Variants in IL25 observed in about 807,000 individuals in gnomAD.
The protein encoded by IL25 is interleukin-25.
IL25 carries 10 observed loss-of-function variants against 13.2 expected under a neutral mutation model. That is an observed-to-expected ratio of 0.76 (90% confidence interval 0.47 to 1.29). The LOEUF (loss-of-function observed/expected upper bound fraction) is 1.29, where lower values mean the gene tolerates loss of function less well. IL25 is among the 50% of genes most tolerant of loss of function. The pLI is 0.00. For synonymous variants in IL25, 107 were observed against 92.1 expected (o/e 1.16, Z -0.93); for missense variants, 235 against 232.4 (o/e 1.01, Z -0.07).
At chr14:23,375,556 T>TCCCATGCCACCCCA (rs1700297755) in intron 1 of IL25, 69 bp from the exon 3 acceptor site, 2 of 1,553,626 alleles carry the variant, frequency 1.3e-6, no homozygotes, top group South Asian at 2.4e-5. Flanking sequence ...CTTCTGGCAC[T>TCCCATGCCACCCCA]CCCATGCCAC....
intron 1 of IL25, among the ~76,000 whole-genome samples, chr14:23,374,728 TTC>T (rs769826200): frequency 0.048 from 5,587 of 117,284 alleles, 93 homozygotes; most frequent in African/African-American, 0.14. Flanking sequence ...CTTTCTTTCT[TTC>T]TTTTTTTTTT....
exon 1 of IL25, chr14:23,373,055 C>T: frequency 6.2e-7 from 1 of 1,614,006 alleles, no homozygotes; most frequent in Non-Finnish European, 8.5e-7. Flanking sequence ...GGAGGCCAAG[C>T]TGCCAGGTTT....
intron 1 of IL25, among the ~76,000 whole-genome samples, chr14:23,374,594 G>A (rs1049479733): frequency 3.3e-5 from 5 of 152,348 alleles, no homozygotes; most frequent in Admixed American, 2.6e-4. Context: ...TGATGTGCTA[G>A]CTAATTCCAT....
rs779565948 is a variant in IL25, at chr14:23,372,992, G to T, written c.-127G>T. 3.1e-6 allele frequency: 5 copies of T among 1,613,864 alleles called. No individual in the cohort carries two copies. The highest frequency in any genetic ancestry group is 1.3e-5 in the African/African-American group (1 of 74,924). On this transcript the variant is annotated 5_prime_UTR_variant, in exon 1 of 2. Transcript: ENST00000329715. ...ATGTACCAGGTCAGTGCAGAGGGCT[G>T]CCTGAGGGCTGTGCTGAGAGGGAGA...
At chr14:23,373,110 A>T (rs746039465) in exon 1 of IL25, 28 of 1,613,512 alleles carry the variant, frequency 1.7e-5, no homozygotes, top group South Asian at 4.4e-5. Flanking sequence ...TCCCAGGGGG[A>T]GGGTGCAGAT....
intron 1 of IL25, among the ~76,000 whole-genome samples, chr14:23,375,246 A>G (rs555593956): frequency 6.6e-5 from 10 of 152,330 alleles, no homozygotes; most frequent in African/African-American, 9.6e-5. Context: ...TCTCAAAAAA[A>G]CAAAAACAAA....
exon 2 of IL25, chr14:23,375,697 C>T (rs754517211): frequency 2.7e-5 from 44 of 1,614,200 alleles, no homozygotes; most frequent in Non-Finnish European, 3.7e-5. Flanking sequence ...ACTGCGTCAG[C>T]CTACAGACAG....
exon 1 of IL25, chr14:23,373,264 A>G (rs540005806): frequency 6.2e-7 from 1 of 1,614,178 alleles, no homozygotes; most frequent in East Asian, 2.2e-5. Context: ...GACACCTCTG[A>G]GGAGCTGCTG....
intron 1 of IL25, 48 bp from the exon 3 acceptor site, chr14:23,375,577 C>G (rs1432171158): frequency 1.9e-6 from 3 of 1,590,594 alleles, no homozygotes; most frequent in South Asian, 1.1e-5. Context: ...CCCACCCTCT[C>G]TGTTTCCGGC....
At chr14:23,374,263 G>T (rs1890482267) in intron 1 of IL25, among the ~76,000 whole-genome samples, 1 of 152,164 alleles carries the variant, frequency 6.6e-6, no homozygotes, top group Admixed American at 6.5e-5. Context: ...GCTTCTTAGG[G>T]GAGGCGGGTG....
rs1566497493 is a variant in IL25 at position 23,374,734 on chromosome 14, T to TTTC, written c.279-889_279-888insCTT. On this transcript the variant is annotated intron_variant, in intron 1 of 1. Transcript: ENST00000329715. ...TTCATCTTTCTTTCTTTCTTTCTTT[T>TTTC]TTTTTTTTTGCCATGAAATCCTTTC... 4.0e-3 allele frequency among the ~76,000 whole-genome samples: 293 copies of TTTC among 72,416 alleles called. 1 individual carries two copies. Among genetic ancestry groups the TTTC allele is most frequent in the African/African-American group, 0.027 (287 of 10,826 alleles). The allele number at this position is 72,416 out of a possible 152,430, so 47.5% of individuals were successfully genotyped here. A position where few individuals can be genotyped will look rare whatever the true frequency, so the allele number is the denominator to read the frequency against.
exon 1 of IL25, chr14:23,373,024 G>A (rs1479731078): frequency 1.9e-6 from 3 of 1,614,144 alleles, no homozygotes; most frequent in Non-Finnish European, 2.5e-6. Context: ...GAGAGGAGCA[G>A]AGATGCTGCT....
At chr14:23,375,705 C>G (rs1890531772) in exon 2 of IL25, 1 of 1,614,230 alleles carries the variant, frequency 6.2e-7, no homozygotes, top group South Asian at 1.1e-5. Context: ...AGCCTACAGA[C>G]AGGCTCCCAC....
Position 23,375,622 on chromosome 14 carries a change from C to T in IL25, c.279-3C>T. 6.2e-7 allele frequency: 1 copy of T among 1,611,530 alleles called. No individual in the cohort carries two copies. Among genetic ancestry groups the T allele is most frequent in the Non-Finnish European group, 8.5e-7 (1 of 1,178,022 alleles). Reference sequence around the variant, plus strand: ...CAAGGCCTGACAAGTGCCGCCCCCACAGGTTGGACAGAGACTTGAACCGGC... The same window carrying T: ...CAAGGCCTGACAAGTGCCGCCCCCATAGGTTGGACAGAGACTTGAACCGGC... On this transcript the variant is annotated splice_polypyrimidine_tract_variant and splice_region_variant and intron_variant, in intron 1 of 1. Coordinates refer to ENST00000329715, the Ensembl canonical transcript of IL25.
chr14:23,373,040 T>C (rs1595035670), exon 1 of IL25: 1 of 1,613,332 alleles, frequency 6.2e-7, no homozygotes, highest in Non-Finnish European at 8.5e-7. Context: ...CTGCTGAGGG[T>C]GGAGGGAGGC....
At chr14:23,373,656 A>G (rs561703881) in intron 1 of IL25, among the ~76,000 whole-genome samples, 1 of 151,854 alleles carries the variant, frequency 6.6e-6, no homozygotes, top group Non-Finnish European at 1.5e-5. Context: ...TAATGTGCAG[A>G]TCAAATGAAA....
exon 2 of IL25, chr14:23,375,863 C>T: frequency 6.2e-7 from 1 of 1,614,068 alleles, no homozygotes; most frequent in South Asian, 1.1e-5. Flanking sequence ...GTGTGTGCGG[C>T]CCCGTGTGAT....
Position 23,373,361 on chromosome 14 carries a change from C to T in IL25, c.243C>T (p.Pro81=), listed in dbSNP as rs139090206. Residue 81 remains proline, a synonymous_variant, in exon 1 of 2, where the codon CCC becomes CCT. Transcript: ENST00000329715. ...CCTGTAGGGCCAGTGAAGATGGACC[C>T]CTCAACAGCAGGGCCATCTCCCCCT... 5.7e-4 allele frequency: 927 copies of T among 1,613,582 alleles called. 4 individuals carry two copies. The South Asian group carries it at 6.8e-3, about 12-fold the overall frequency.
chr14:23,376,189 C>T, exon 2 of IL25: 1 of 380,686 alleles, frequency 2.6e-6, no homozygotes. Context: ...TCCCCTGCTA[C>T]CCTGGCCCAG....
Sources: gnomAD v4.1 joint callset for allele counts (sites outside exome capture counted in the v4.1 genomes callset) on GRCh38, gnomAD v4.1.1 for gene constraint, MANE v1.5 for transcripts, NCBI Gene and HGNC (gene_info 2026-07-23, HGNC 2026-07-21) for gene names.